The following FTO variants were observed in gnomAD, a reference collection of about 807,000 sequenced individuals.
The protein encoded by FTO is FTO alpha-ketoglutarate dependent dioxygenase, also known as alpha-ketoglutarate-dependent dioxygenase FTO.
In FTO, 47 loss-of-function variants were observed where a neutral mutation model predicts 63.9. The observed-to-expected ratio is 0.74, with a 90% CI of 0.58 to 0.94. The LOEUF (loss-of-function observed/expected upper bound fraction) is 0.94, where lower values mean the gene tolerates loss of function less well. Among genes scored for constraint, FTO ranks in the 40% least tolerant of loss-of-function variants. The pLI, the probability that FTO is intolerant of heterozygous loss-of-function variation, is 0.00. For missense variants in FTO, 562 were observed against 618.1 expected (o/e 0.91, Z 0.96); for synonymous variants, 207 against 224.4 (o/e 0.92, Z 0.69).
At chr16:53,933,259 A>G (rs2082321076) in intron 7 of FTO, among the ~76,000 whole-genome samples, 1 of 152,174 alleles carries the variant, frequency 6.6e-6, no homozygotes. Flanking sequence ...AACACAGACA[A>G]TTTCATTGAA....
chr16:53,925,662 A>G, intron 7 of FTO, among the ~76,000 whole-genome samples: 1 of 152,298 alleles, frequency 6.6e-6, no homozygotes, highest in South Asian at 2.1e-4. Context: ...AGACTTGTAT[A>G]GAATTATTAG....
At chr16:53,785,966 G>C (rs542199366) in intron 1 of FTO, among the ~76,000 whole-genome samples, 18 of 150,702 alleles carry the variant, frequency 1.2e-4, no homozygotes, top group African/African-American at 4.1e-4. Context: ...TTTATTTTAC[G>C]CAAAGTGGGA....
intron 8 of FTO, among the ~76,000 whole-genome samples, chr16:53,977,242 G>A (rs2083453248): frequency 6.6e-6 from 1 of 152,130 alleles, no homozygotes; most frequent in Non-Finnish European, 1.5e-5. Flanking sequence ...CTACTGAGAT[G>A]ATGACATGGG....
chr16:53,881,151 A>AAATAAATAAATAT (rs1449117058), intron 6 of FTO, among the ~76,000 whole-genome samples: 3 of 150,862 alleles, frequency 2.0e-5, no homozygotes, highest in African/African-American at 7.3e-5. Context: ...ATAAATAAAT[A>AAATAAATAAATAT]AAAATAAAAT....
intron 8 of FTO, among the ~76,000 whole-genome samples, chr16:53,980,716 G>A (rs1164625090): frequency 6.6e-6 from 1 of 152,190 alleles, no homozygotes; most frequent in Non-Finnish European, 1.5e-5. Context: ...TTTTGCTCCA[G>A]TATTTAGGCT....
intron 1 of FTO, among the ~76,000 whole-genome samples, chr16:53,758,969 G>A (rs376228113): frequency 3.3e-5 from 5 of 152,120 alleles, no homozygotes; most frequent in Admixed American, 1.3e-4. Context: ...TTTGAATATT[G>A]TGATGTCTGG....
intron 1 of FTO, among the ~76,000 whole-genome samples, chr16:53,721,255 A>G (rs2076033488): frequency 6.6e-6 from 1 of 152,162 alleles, no homozygotes; most frequent in Non-Finnish European, 1.5e-5. Flanking sequence ...GAGGATGTCA[A>G]CCTTTTGGCA....
intron 8 of FTO, among the ~76,000 whole-genome samples, chr16:54,012,845 G>C (rs1337242349): frequency 6.6e-6 from 1 of 150,514 alleles, no homozygotes; most frequent in African/African-American, 2.4e-5. Context: ...AAAAAAAAAA[G>C]ATTCCTTTCA....
chr16:54,029,598 T>C (rs1218247382), intron 8 of FTO, among the ~76,000 whole-genome samples: 2 of 152,182 alleles, frequency 1.3e-5, no homozygotes, highest in African/African-American at 2.4e-5. Context: ...AAACATTCTT[T>C]GGAAAGATCT....
chr16:53,704,120 G>A (rs1971792900), upstream of FTO: 2 of 1,476,994 alleles, frequency 1.4e-6, no homozygotes, highest in Non-Finnish European at 1.9e-6. Flanking sequence ...ACTACATGCA[G>A]GAGGCGGGGT....
intron 8 of FTO, among the ~76,000 whole-genome samples, chr16:54,052,183 G>A (rs1246756647): frequency 1.3e-5 from 2 of 152,218 alleles, no homozygotes; most frequent in African/African-American, 4.8e-5. Context: ...AGAGACGCCA[G>A]TGCATTTAAG....
intron 4 of FTO, among the ~76,000 whole-genome samples, chr16:53,852,966 C>G (rs1173877906): frequency 6.6e-6 from 1 of 152,200 alleles, no homozygotes; most frequent in Non-Finnish European, 1.5e-5. Flanking sequence ...ACTGGGATTT[C>G]TTCTCATTGG....
At chr16:53,937,148 A>G (rs1463076232) in intron 8 of FTO, 1 of 398,082 alleles carries the variant, frequency 2.5e-6, no homozygotes, top group Non-Finnish European at 4.4e-6. Context: ...GCGACTCTAG[A>G]GGCACATCTG....
intron 8 of FTO, among the ~76,000 whole-genome samples, chr16:53,943,816 T>C (rs2082594746): frequency 6.6e-6 from 1 of 152,200 alleles, no homozygotes; most frequent in Non-Finnish European, 1.5e-5. Flanking sequence ...TGGGTCATAT[T>C]TGGGAAGTAG....
At chr16:54,083,607 G>T (rs2086197601) in intron 8 of FTO, among the ~76,000 whole-genome samples, 1 of 152,112 alleles carries the variant, frequency 6.6e-6, no homozygotes, top group African/African-American at 2.4e-5. Context: ...GTGAGCTACG[G>T]TGGATCCATT....
intron 8 of FTO, among the ~76,000 whole-genome samples, chr16:54,049,716 C>T (rs1301641099): frequency 6.6e-6 from 1 of 152,218 alleles, no homozygotes; most frequent in Non-Finnish European, 1.5e-5. Context: ...CCCTCCTTCC[C>T]TTCAGGCAGA....
chr16:54,057,977 T>A (rs2085477278), intron 8 of FTO, among the ~76,000 whole-genome samples: 1 of 152,172 alleles, frequency 6.6e-6, no homozygotes, highest in Non-Finnish European at 1.5e-5. Flanking sequence ...TTCTCATGGC[T>A]GATTCTTTAG....
At chr16:53,771,087 C>T (rs760521979) in intron 1 of FTO, among the ~76,000 whole-genome samples, 2 of 151,936 alleles carry the variant, frequency 1.3e-5, no homozygotes, top group African/African-American at 2.4e-5. Context: ...GAGACTTTCG[C>T]GAAAGGGATT....
intron 8 of FTO, among the ~76,000 whole-genome samples, chr16:54,037,543 A>G (rs1192150245): frequency 2.0e-5 from 3 of 152,218 alleles, no homozygotes; most frequent in African/African-American, 7.2e-5. Flanking sequence ...GCTTTTAGTT[A>G]AGAGCATCTA....
Sources: allele counts gnomAD v4.1 joint callset (sites outside exome capture counted in the v4.1 genomes callset), GRCh38; gene constraint gnomAD v4.1.1; transcripts MANE v1.5; gene names NCBI Gene and HGNC (gene_info 2026-07-23, HGNC 2026-07-21).